Variants in NRG3 observed in about 807,000 individuals in gnomAD.
NRG3 encodes neuregulin 3, also known as pro-neuregulin-3, membrane-bound isoform.
NRG3 carries 31 observed loss-of-function variants against 66.9 expected under a neutral mutation model. The observed-to-expected ratio is 0.46, with a 90% CI of 0.35 to 0.63. NRG3 has a LOEUF of 0.63. Ranked by LOEUF, NRG3 falls within the 20% of genes least tolerant of loss-of-function variation. The pLI is 0.00. For synonymous variants in NRG3, 393 were observed against 359.4 expected, an observed-to-expected ratio of 1.09 and a Z score of -1.06; for missense variants, 910 against 878.9, an observed-to-expected ratio of 1.04 and a Z score of -0.45.
intron 1 of NRG3, among the ~76,000 whole-genome samples, chr10:82,177,647 C>T (rs1343152112): frequency 1.3e-5 from 2 of 152,132 alleles, no homozygotes; most frequent in African/African-American, 2.4e-5. Context: ...AATCACAGCT[C>T]GCTGCCACTT....
chr10:82,426,179 A>G (rs1316456151), intron 2 of NRG3, among the ~76,000 whole-genome samples: 1 of 152,148 alleles, frequency 6.6e-6, no homozygotes, highest in Admixed American at 6.6e-5. Flanking sequence ...TCAAAATACA[A>G]CACCAGAGGT....
At chr10:82,929,968 C>T (rs1056510787) in intron 4 of NRG3, among the ~76,000 whole-genome samples, 1 of 152,108 alleles carries the variant, frequency 6.6e-6, no homozygotes, top group African/African-American at 2.4e-5. Flanking sequence ...CTCGCAGACC[C>T]CCCTGCTGGG....
chr10:82,039,821 T>C (rs1589868861), intron 1 of NRG3, among the ~76,000 whole-genome samples: 1 of 152,118 alleles, frequency 6.6e-6, no homozygotes, highest in Admixed American at 6.6e-5. Context: ...TTTCACATGG[T>C]CTCTCCTGAC....
At chr10:81,900,761 T>C (rs924149423) in intron 1 of NRG3, among the ~76,000 whole-genome samples, 1 of 152,226 alleles carries the variant, frequency 6.6e-6, no homozygotes, top group African/African-American at 2.4e-5. Context: ...TCTTAGATAA[T>C]TGGAGAAAGT....
At chr10:82,041,269 T>A (rs1366847319) in intron 1 of NRG3, among the ~76,000 whole-genome samples, 3 of 152,054 alleles carry the variant, frequency 2.0e-5, no homozygotes, top group Non-Finnish European at 4.4e-5. Flanking sequence ...TACTGAGCAG[T>A]GAAGGTTTAC....
At chr10:82,724,050 ATAGCT>A (rs1200631681) in intron 2 of NRG3, among the ~76,000 whole-genome samples, 1 of 151,614 alleles carries the variant, frequency 6.6e-6, no homozygotes, top group East Asian at 1.9e-4. Flanking sequence ...GAATAAGTAA[ATAGCT>A]TAGCTTCAGA....
intron 4 of NRG3, among the ~76,000 whole-genome samples, chr10:82,917,962 G>GTATA (rs1436914419): frequency 3.0e-5 from 3 of 101,432 alleles, no homozygotes. Context: ...GTGTGTGTGT[G>GTATA]TGTGTGTGTA....
At chr10:82,323,567 A>G (rs1279203166) in intron 1 of NRG3, among the ~76,000 whole-genome samples, 2 of 150,180 alleles carry the variant, frequency 1.3e-5, no homozygotes, top group Non-Finnish European at 2.9e-5. Context: ...GAACACTTGT[A>G]TGTAATATTC....
At chr10:82,795,963 TC>T (rs1262916079) in intron 3 of NRG3, among the ~76,000 whole-genome samples, 1 of 152,148 alleles carries the variant, frequency 6.6e-6, no homozygotes, top group Non-Finnish European at 1.5e-5. Flanking sequence ...AGAAGGTCGT[TC>T]CTTTAACTCT....
At chr10:82,182,123 G>A (rs1370202092) in intron 1 of NRG3, among the ~76,000 whole-genome samples, 3 of 149,606 alleles carry the variant, frequency 2.0e-5, no homozygotes, top group Non-Finnish European at 4.5e-5. Flanking sequence ...CATACTTTCA[G>A]TTTCAACAAA....
intron 2 of NRG3, among the ~76,000 whole-genome samples, chr10:82,523,062 G>A (rs533628280): frequency 2.0e-5 from 3 of 152,274 alleles, no homozygotes; most frequent in African/African-American, 4.8e-5. Flanking sequence ...TTAGCATGAA[G>A]TTTCAAGGTT....
At chr10:82,465,927 C>G (rs1176280366) in intron 2 of NRG3, among the ~76,000 whole-genome samples, 1 of 152,110 alleles carries the variant, frequency 6.6e-6, no homozygotes, top group Non-Finnish European at 1.5e-5. Flanking sequence ...ACTCAGGGAA[C>G]AGTCGTTGCT....
chr10:82,856,743 C>CAAAAAAAAAAAA (rs371581250), intron 3 of NRG3, among the ~76,000 whole-genome samples: 3 of 66,390 alleles, frequency 4.5e-5, no homozygotes, highest in African/African-American at 6.0e-5. Flanking sequence ...GACTCTGTCT[C>CAAAAAAAAAAAA]AAAAAAAAAA....
At chr10:82,813,110 G>A (rs1376313644) in intron 3 of NRG3, among the ~76,000 whole-genome samples, 1 of 151,420 alleles carries the variant, frequency 6.6e-6, no homozygotes, top group Non-Finnish European at 1.5e-5. Context: ...ACCACAGCAT[G>A]TCCTAGATCT....
At chr10:82,358,018 A>G (rs72827368) in intron 1 of NRG3, among the ~76,000 whole-genome samples, 27,470 of 152,170 alleles carry the variant, frequency 0.18, 2,865 homozygotes, top group East Asian at 0.28. Context: ...TCTTATAGAT[A>G]GCACTTATTT....
intron 4 of NRG3, among the ~76,000 whole-genome samples, chr10:82,869,748 C>CA (rs1252909624): frequency 2.0e-5 from 3 of 151,912 alleles, no homozygotes; most frequent in Admixed American, 1.3e-4. Context: ...GCTGGGACTA[C>CA]AGGCACCCAT....
intron 4 of NRG3, among the ~76,000 whole-genome samples, chr10:82,887,155 A>C (rs1199282973): frequency 2.6e-5 from 4 of 152,184 alleles, no homozygotes; most frequent in African/African-American, 9.6e-5. Context: ...GTAAGCTCCT[A>C]CTACCGTGCT....
chr10:82,454,414 A>T (rs1310895140), intron 2 of NRG3, among the ~76,000 whole-genome samples: 2 of 152,194 alleles, frequency 1.3e-5, no homozygotes, highest in South Asian at 4.1e-4. Flanking sequence ...GAAACAAAGA[A>T]TGGAGAATAT....
chr10:82,380,573 T>A (rs1255556339), intron 2 of NRG3, among the ~76,000 whole-genome samples: 1 of 152,134 alleles, frequency 6.6e-6, no homozygotes, highest in African/African-American at 2.4e-5. Flanking sequence ...TACTATGTAG[T>A]AAGATGGCAG....
Sources: allele counts gnomAD v4.1 joint callset (sites outside exome capture counted in the v4.1 genomes callset), GRCh38; gene constraint gnomAD v4.1.1; transcripts MANE v1.5; gene names NCBI Gene and HGNC (gene_info 2026-07-23, HGNC 2026-07-21).